Variants in THADA observed in about 807,000 individuals in gnomAD.
THADA encodes THADA armadillo repeat containing.
THADA carries 213 observed loss-of-function variants against 219.8 expected under a neutral mutation model. That is an observed-to-expected ratio of 0.97 (90% CI 0.87 to 1.09). THADA has a LOEUF of 1.09. THADA is among the 50% of genes least tolerant of loss of function. The probability of loss-of-function intolerance (pLI) is 0.00; values close to 1 mark genes in which losing one functional copy is unlikely to be tolerated. For synonymous variants in THADA, 1,018 were observed against 828.9 expected, an observed-to-expected ratio of 1.23 and a Z score of -3.92; for missense variants, 2,956 against 2,311.3, an observed-to-expected ratio of 1.28 and a Z score of -5.72.
rs775737980 is a variant in THADA, at chr2:43,291,799, C to A, written c.4938-31G>T. On this transcript the variant is annotated intron_variant, in intron 33 of 37. Coordinates refer to ENST00000405975, the MANE Select transcript of THADA (RefSeq NM_022065.5). ...AAAATAAACAAACAAAAAAACAACA[C>A]AAAATTACAATCAGACATATTTCAT... 46 of 1,517,588 alleles carry A rather than the reference C, an allele frequency of 3.0e-5. No homozygotes were observed. The South Asian group carries it at 5.2e-4, about 17-fold the overall frequency. 94.0% of individuals were successfully genotyped at this position (1,517,588 alleles called of 1,614,324 possible).
In THADA at chr2:43,574,353, G is replaced by A; in HGVS notation, c.1712C>T (p.Ser571Phe). ...TTTCTTACCAGTTTTAGCATCAATA[G>A]AAGTCTGAAGAATCTTTACCATGTA... is the stretch of plus-strand genomic sequence containing the variant. ...LQYMVKILQT[S>F]IDAKTGQEQS... Residue 571 changes from serine (S) to phenylalanine (F), a missense_variant, in exon 11 of 38, where the codon TCT becomes TTT. By Grantham distance (155) the Ser-to-Phe change is radical. Coordinates refer to ENST00000405975, the MANE Select transcript of THADA (RefSeq NM_022065.5). 1 of 1,570,342 alleles carries A rather than the reference G, an allele frequency of 6.4e-7. No homozygotes were observed. The highest frequency in any genetic ancestry group is 8.6e-7 in the Non-Finnish European group (1 of 1,161,932).
chr2:43,266,737 C>A (rs1374953279), intron 36 of THADA, among the ~76,000 whole-genome samples: 1 of 152,156 alleles, frequency 6.6e-6, no homozygotes, highest in Non-Finnish European at 1.5e-5. Context: ...GTGGGTCTGA[C>A]TCAAGGAGAG....
At chr2:43,323,439 C>T (rs1171427615) in intron 30 of THADA, among the ~76,000 whole-genome samples, 2 of 152,232 alleles carry the variant, frequency 1.3e-5, no homozygotes, top group East Asian at 3.8e-4. Flanking sequence ...TCTGCTGTTA[C>T]TCTTCCATCC....
At chr2:43,575,749 G>C (rs1206241151) in intron 10 of THADA, among the ~76,000 whole-genome samples, 1 of 152,010 alleles carries the variant, frequency 6.6e-6, no homozygotes, top group African/African-American at 2.4e-5. Context: ...TGTTGACCAG[G>C]CTGGTCTTGA....
At chr2:43,451,166 G>GC (rs1335559204) in intron 26 of THADA, among the ~76,000 whole-genome samples, 2 of 152,184 alleles carry the variant, frequency 1.3e-5, no homozygotes, top group African/African-American at 2.4e-5. Flanking sequence ...AACCAGAGCT[G>GC]TTCTGGTTGA....
chr2:43,554,177 T>C (rs755179263), intron 17 of THADA, among the ~76,000 whole-genome samples: 6 of 152,214 alleles, frequency 3.9e-5, no homozygotes, highest in South Asian at 2.1e-4. Flanking sequence ...TAACTAACCA[T>C]TGGTTAACCC....
At chr2:43,340,778 CT>C (rs1666979671) in intron 30 of THADA, among the ~76,000 whole-genome samples, 1 of 152,098 alleles carries the variant, frequency 6.6e-6, no homozygotes, top group Non-Finnish European at 1.5e-5. Flanking sequence ...ATACTCTGCA[CT>C]GTAATATCTT....
At chr2:43,254,169 T>C (rs891719291) in intron 36 of THADA, among the ~76,000 whole-genome samples, 2 of 151,798 alleles carry the variant, frequency 1.3e-5, no homozygotes, top group African/African-American at 4.8e-5. Flanking sequence ...GGACCCCAAC[T>C]AGAGCCAATA....
At chr2:43,538,739 G>A (rs1232089697) in intron 21 of THADA, among the ~76,000 whole-genome samples, 1 of 152,066 alleles carries the variant, frequency 6.6e-6, no homozygotes, top group East Asian at 1.9e-4. Context: ...TAACATCCAG[G>A]GTTCAGCTTC....
At chr2:43,522,041 T>G (rs1692556106) in intron 22 of THADA, among the ~76,000 whole-genome samples, 1 of 152,328 alleles carries the variant, frequency 6.6e-6, no homozygotes, top group South Asian at 2.1e-4. Flanking sequence ...TTTCCCAATC[T>G]CTAATTATTT....
Position 43,232,874 on chromosome 2 carries a change from A to C in THADA, c.5305T>G (p.Phe1769Val), listed in dbSNP as rs765660952. ...GCGATGGAGGCATCCACCTGGCAGA[A>C]GGCAAACTCTGCAAAGACAGGAGAA... ...ENTCQSTEFA[F>V]CQVDASIALA... Residue 1769 changes from phenylalanine (F) to valine (V), a missense_variant, in exon 37 of 38, where the codon TTC becomes GTC. Phe to Val is a conservative substitution (Grantham distance 50). Coordinates refer to ENST00000405975, the MANE Select transcript of THADA (RefSeq NM_022065.5). 1.4e-5 allele frequency: 23 copies of C among 1,609,316 alleles called. No homozygotes were observed. Among genetic ancestry groups the C allele is most frequent in the African/African-American group, 9.3e-5 (7 of 74,870 alleles).
intron 35 of THADA, 21 bp downstream of exon 35, chr2:43,286,887 C>G: frequency 6.2e-7 from 1 of 1,601,174 alleles, no homozygotes; most frequent in South Asian, 1.1e-5. Context: ...GTACAACAGA[C>G]TTCCGTCTCG....
intron 26 of THADA, 33 bp downstream of exon 26, chr2:43,485,201 A>G (rs1573886979): frequency 3.2e-6 from 5 of 1,548,198 alleles, no homozygotes; most frequent in Non-Finnish European, 4.4e-6. Flanking sequence ...GTATTTTTTA[A>G]AAAAAGTAAA....
At chr2:43,546,793 C>T (rs1216729250) in intron 20 of THADA, among the ~76,000 whole-genome samples, 3 of 152,172 alleles carry the variant, frequency 2.0e-5, no homozygotes, top group South Asian at 2.1e-4. Flanking sequence ...TTCCTGAATA[C>T]AGCACACTGA....
chr2:43,486,069 G>C (rs546280216), intron 25 of THADA, among the ~76,000 whole-genome samples: 2 of 151,964 alleles, frequency 1.3e-5, no homozygotes, highest in Non-Finnish European at 2.9e-5. Flanking sequence ...GGGCAAAAGA[G>C]TGAGAACCTG....
intron 35 of THADA, among the ~76,000 whole-genome samples, chr2:43,285,414 C>G (rs1673875518): frequency 6.6e-6 from 1 of 152,188 alleles, no homozygotes; most frequent in Non-Finnish European, 1.5e-5. Flanking sequence ...CTCTCTCTCT[C>G]CTGCCACCAT....
intron 14 of THADA, among the ~76,000 whole-genome samples, chr2:43,570,187 C>A (rs538700475): frequency 3.2e-4 from 48 of 152,216 alleles, no homozygotes; most frequent in African/African-American, 1.1e-3. Context: ...TGTAACAGTC[C>A]TCCGGTACAG....
At position 43,505,400 on chromosome 2, in the gene THADA, G is replaced by C. The variant is rs6713100; in HGVS notation, c.3621+222C>G. Among the ~76,000 whole-genome samples, 337 of 152,156 alleles carry C rather than the reference G, an allele frequency of 2.2e-3. 2 individuals carry two copies. The highest frequency in any genetic ancestry group is 0.01 in the Middle Eastern group (3 of 292). On this transcript the variant is annotated intron_variant, in intron 24 of 37. Coordinates refer to ENST00000405975, the MANE Select transcript of THADA (RefSeq NM_022065.5). ...AATGTTCAAGAGTTCTTTATCTCCA[G>C]CAGAAACTTTTTGTTAAAAAATAAA...
chr2:43,312,295 G>C (rs1050636370), intron 31 of THADA, among the ~76,000 whole-genome samples: 2 of 152,090 alleles, frequency 1.3e-5, no homozygotes, highest in African/African-American at 2.4e-5. Flanking sequence ...GAAAATGTGG[G>C]TAGAAGGTTT....
Sources: allele counts gnomAD v4.1 joint callset (sites outside exome capture counted in the v4.1 genomes callset), GRCh38; gene constraint gnomAD v4.1.1; transcripts MANE v1.5; gene names NCBI Gene and HGNC (gene_info 2026-07-23, HGNC 2026-07-21).